Variants in CAPZA1 observed in about 807,000 individuals in gnomAD.
The protein encoded by CAPZA1 is F-actin-capping protein subunit alpha-1.
In CAPZA1, 10 loss-of-function variants were observed where a neutral mutation model predicts 40.8. The ratio of observed to expected loss-of-function variants is 0.25; its 90% CI spans 0.15 to 0.42. The LOEUF (loss-of-function observed/expected upper bound fraction) is 0.42. CAPZA1 is among the 10% of genes least tolerant of loss of function. The pLI is 1.00. For synonymous variants in CAPZA1, 98 were observed against 115.0 expected (o/e 0.85, Z 0.95); for missense variants, 277 against 353.8 (o/e 0.78, Z 1.74).
intron 1 of CAPZA1, among the ~76,000 whole-genome samples, chr1:112,628,434 CAATTT>C (rs1670857093): frequency 6.6e-6 from 1 of 152,040 alleles, no homozygotes; most frequent in Non-Finnish European, 1.5e-5. Flanking sequence ...ACTGGAATAA[CAATTT>C]AATACATATA....
intron 4 of CAPZA1, among the ~76,000 whole-genome samples, chr1:112,653,884 A>G (rs1223937005): frequency 6.6e-6 from 1 of 152,212 alleles, no homozygotes; most frequent in Non-Finnish European, 1.5e-5. Flanking sequence ...TGAAAATGGA[A>G]GTATTTAAGT....
intron 1 of CAPZA1, among the ~76,000 whole-genome samples, chr1:112,634,524 A>G (rs1356575687): frequency 6.6e-6 from 1 of 152,140 alleles, no homozygotes; most frequent in African/African-American, 2.4e-5. Flanking sequence ...TCTTTGAAGT[A>G]GTAATTTGAT....
At chr1:112,640,012 G>C (rs1671110382) in intron 1 of CAPZA1, among the ~76,000 whole-genome samples, 1 of 119,994 alleles carries the variant, frequency 8.3e-6, no homozygotes, top group African/African-American at 3.2e-5. Flanking sequence ...GGAGGGAGGT[G>C]GGGGGGTCAG....
intron 1 of CAPZA1, chr1:112,646,877 T>G (rs567398154): frequency 5.9e-6 from 1 of 168,378 alleles, no homozygotes; most frequent in Admixed American, 6.4e-5. Flanking sequence ...TGCTAATATT[T>G]TATTTAGTTT....
intron 1 of CAPZA1, among the ~76,000 whole-genome samples, chr1:112,628,326 G>A (rs887064632): frequency 6.6e-6 from 1 of 152,056 alleles, no homozygotes; most frequent in Non-Finnish European, 1.5e-5. Context: ...TTAGTCCTCT[G>A]CTTATTTAGC....
At chr1:112,657,928 T>C (rs1256230050) in intron 5 of CAPZA1, among the ~76,000 whole-genome samples, 4 of 152,114 alleles carry the variant, frequency 2.6e-5, no homozygotes, top group Non-Finnish European at 4.4e-5. Context: ...GTTCTTTTTT[T>C]CCCCTACCTT....
At chr1:112,622,051 GA>G (rs1670687880) in intron 1 of CAPZA1, among the ~76,000 whole-genome samples, 1 of 151,972 alleles carries the variant, frequency 6.6e-6, no homozygotes. Flanking sequence ...GTGAGCCACC[GA>G]GCCCAGCCAG....
At chr1:112,664,230 CA>C (rs570249032) in intron 7 of CAPZA1, among the ~76,000 whole-genome samples, 60,495 of 110,434 alleles carry the variant, frequency 0.55, 13,965 homozygotes, top group Middle Eastern at 0.64. Context: ...GACACTGTCT[CA>C]AAAAAAAAAA....
chr1:112,657,356 C>T (rs575934346), intron 5 of CAPZA1, among the ~76,000 whole-genome samples: 2 of 152,258 alleles, frequency 1.3e-5, no homozygotes, highest in South Asian at 4.1e-4. Flanking sequence ...ATCACCACCA[C>T]GTCAGTACAT....
chr1:112,656,649 C>G (rs907320867), intron 5 of CAPZA1, among the ~76,000 whole-genome samples: 1 of 151,720 alleles, frequency 6.6e-6, no homozygotes, highest in African/African-American at 2.4e-5. Context: ...ATTTGGAGAG[C>G]TCCAGCACCA....
chr1:112,645,951 G>A (rs868573618), intron 1 of CAPZA1, among the ~76,000 whole-genome samples: 3 of 111,920 alleles, frequency 2.7e-5, no homozygotes, highest in African/African-American at 3.7e-5. Flanking sequence ...ACAACATAGC[G>A]AGACCCTGTC....
At chr1:112,657,966 C>G (rs1274716038) in intron 5 of CAPZA1, among the ~76,000 whole-genome samples, 2 of 152,208 alleles carry the variant, frequency 1.3e-5, no homozygotes, top group East Asian at 3.9e-4. Context: ...CCCCAAAGTT[C>G]ATAATTCATT....
chr1:112,633,708 C>T (rs919691077), intron 1 of CAPZA1, among the ~76,000 whole-genome samples: 7 of 152,254 alleles, frequency 4.6e-5, no homozygotes, highest in African/African-American at 1.7e-4. Flanking sequence ...TACATTCCCA[C>T]CAACAGAAGG....
intron 8 of CAPZA1, among the ~76,000 whole-genome samples, chr1:112,667,438 A>G (rs974457957): frequency 3.3e-5 from 5 of 152,216 alleles, no homozygotes; most frequent in African/African-American, 1.2e-4. Flanking sequence ...AAGAGCAAGG[A>G]AAGTTTACCA....
chr1:112,663,563 G>A (rs1011343148), intron 7 of CAPZA1, among the ~76,000 whole-genome samples: 2 of 151,766 alleles, frequency 1.3e-5, no homozygotes, highest in Non-Finnish European at 2.9e-5. Context: ...GTGCAGTGGT[G>A]CAATCTCAGT....
chr1:112,619,899 C>G lies in CAPZA1; in HGVS notation c.39+16C>G, dbSNP rs777092625. On this transcript the variant is annotated intron_variant, in intron 1 of 9. Transcript: ENST00000263168. The stretch of plus-strand genomic sequence containing the variant: ...TGAGGAGAAGGTAAGGGGTCCGCCT[C>G]TCTCTCTTACCTCCTCCCCCGACAG... 6.2e-6 allele frequency: 10 copies of G among 1,601,482 alleles called. No homozygotes were observed. Among genetic ancestry groups the G allele is most frequent in the Non-Finnish European group, 8.5e-6 (10 of 1,172,656 alleles).
At chr1:112,623,552 A>G (rs1670727013) in intron 1 of CAPZA1, among the ~76,000 whole-genome samples, 1 of 151,966 alleles carries the variant, frequency 6.6e-6, no homozygotes, top group Non-Finnish European at 1.5e-5. Context: ...GCAGTGGCAC[A>G]TGCCTGTAAT....
intron 5 of CAPZA1, among the ~76,000 whole-genome samples, chr1:112,655,200 C>A (rs1570720115): frequency 6.6e-6 from 1 of 152,306 alleles, no homozygotes; most frequent in South Asian, 2.1e-4. Context: ...AAACAATTGG[C>A]TGGACATGGT....
chr1:112,622,311 G>T (rs1388640499), intron 1 of CAPZA1, among the ~76,000 whole-genome samples: 7 of 152,004 alleles, frequency 4.6e-5, no homozygotes, highest in African/African-American at 1.7e-4. Context: ...GTTGGGTTTT[G>T]TTACCTGAAA....
Sources: allele counts gnomAD v4.1 joint callset (sites outside exome capture counted in the v4.1 genomes callset), GRCh38; gene constraint gnomAD v4.1.1; transcripts MANE v1.5; gene names NCBI Gene and HGNC (gene_info 2026-07-23, HGNC 2026-07-21).